The following ZNF714 variants were observed in gnomAD, a reference collection of about 807,000 sequenced individuals.
ZNF714 encodes the protein zinc finger protein 714.
A neutral mutation model predicts 46.2 loss-of-function variants in ZNF714; 32 were observed. The observed-to-expected ratio is 0.69, with a 90% CI of 0.52 to 0.93. The LOEUF (loss-of-function observed/expected upper bound fraction) is 0.93, where lower values mean the gene tolerates loss of function less well. Ranked by LOEUF, ZNF714 falls within the 40% of genes least tolerant of loss-of-function variation. The pLI, the probability that ZNF714 is intolerant of heterozygous loss-of-function variation, is 0.00. For missense variants in ZNF714, 635 were observed against 646.3 expected (o/e 0.98, Z 0.19); for synonymous variants, 199 against 213.1 (o/e 0.93, Z 0.58).
At chr19:21,114,882 G>C (rs1349857910) in intron 4 of ZNF714, among the ~76,000 whole-genome samples, 1 of 152,000 alleles carries the variant, frequency 6.6e-6, no homozygotes, top group African/African-American at 2.4e-5. Flanking sequence ...TCTCTGAAAA[G>C]AATTTTATTT....
intron 1 of ZNF714, among the ~76,000 whole-genome samples, chr19:21,083,016 ATT>A: frequency 6.7e-6 from 1 of 150,282 alleles, no homozygotes; most frequent in East Asian, 2.0e-4. Flanking sequence ...CAATGTAGTA[ATT>A]TACTAAAAAT....
At chr19:21,115,930 GT>G (rs971729803) in intron 4 of ZNF714, among the ~76,000 whole-genome samples, 1 of 150,676 alleles carries the variant, frequency 6.6e-6, no homozygotes, top group African/African-American at 2.4e-5. Flanking sequence ...TACTCATTGA[GT>G]ATTCAATTTA....
chr19:21,084,093 G>C, intron 2 of ZNF714, 24 bp downstream of exon 2: 1 of 977,300 alleles, frequency 1.0e-6, no homozygotes, highest in Non-Finnish European at 1.3e-6. Context: ...GGTACTGAGG[G>C]GAAAACACAG....
intron 4 of ZNF714, among the ~76,000 whole-genome samples, chr19:21,107,344 A>G (rs1338607875): frequency 6.6e-6 from 1 of 152,056 alleles, no homozygotes; most frequent in African/African-American, 2.4e-5. Flanking sequence ...GGTTCAAGCA[A>G]TTCTCCTGCC....
intron 2 of ZNF714, among the ~76,000 whole-genome samples, chr19:21,093,281 G>A (rs1232837222): frequency 1.3e-5 from 2 of 151,662 alleles, no homozygotes; most frequent in South Asian, 4.1e-4. Context: ...TGCCCAGGCT[G>A]GAGTGTGATG....
chr19:21,088,032 AG>A (rs1968822872), intron 2 of ZNF714, among the ~76,000 whole-genome samples: 1 of 152,186 alleles, frequency 6.6e-6, no homozygotes. Context: ...AGTTTATATA[AG>A]GTCTGACTCC....
At chr19:21,101,126 T>C (rs969369567) in intron 4 of ZNF714, among the ~76,000 whole-genome samples, 11 of 152,214 alleles carry the variant, frequency 7.2e-5, no homozygotes, top group Non-Finnish European at 1.3e-4. Flanking sequence ...AAAAATGTTT[T>C]TGACTAATCC....
At chr19:21,109,269 T>C (rs1287379445) in intron 4 of ZNF714, among the ~76,000 whole-genome samples, 1 of 152,160 alleles carries the variant, frequency 6.6e-6, no homozygotes, top group African/African-American at 2.4e-5. Flanking sequence ...ACCAGGCTGG[T>C]TTGCAGTGGC....
In ZNF714 at chr19:21,123,519, T is replaced by C. The variant is rs1312349524; in HGVS notation, c.*5187T>C. Among the ~76,000 whole-genome samples, 1 of 152,004 alleles carries C rather than the reference T, an allele frequency of 6.6e-6. No homozygotes were observed. The highest frequency in any genetic ancestry group is 1.5e-5 in the Non-Finnish European group (1 of 68,000). ...ACAGGCGCCCGCTACCGCACCCGTC[T>C]AATTTTTTTGTATTTTTAGTAGAGA... On this transcript the variant is annotated 3_prime_UTR_variant, in exon 5 of 5. Coordinates refer to ENST00000456283, the MANE Select transcript of ZNF714 (RefSeq NM_182515.4).
At position 21,123,686 on chromosome 19, in the gene ZNF714, C is replaced by T. The variant is rs1969746727; in HGVS notation, c.*5354C>T. ...TTAATTTTCTATGATATAATTACAG[C>T]ACAATTTACATTTCCGTGCAGAATC... On this transcript the variant is annotated 3_prime_UTR_variant, in exon 5 of 5. Coordinates refer to ENST00000456283, the MANE Select transcript of ZNF714 (RefSeq NM_182515.4). 1 of 152,170 alleles carries T rather than the reference C, an allele frequency of 6.6e-6. No individual in the cohort carries two copies. Among genetic ancestry groups the T allele is most frequent in the Non-Finnish European group, 1.5e-5 (1 of 68,046 alleles). 9.4% of individuals were successfully genotyped at this position (152,170 alleles called of 1,614,324 possible).
rs527413720 is a variant in ZNF714, at chr19:21,124,674, T to C, written c.*6342T>C. Reference sequence around the variant, plus strand: ...ACATTATTATGAACTATAGTCACCATGTTGTACAATAAATCTCTTGAACTT... The same window carrying C: ...ACATTATTATGAACTATAGTCACCACGTTGTACAATAAATCTCTTGAACTT... On this transcript the variant is annotated 3_prime_UTR_variant, in exon 5 of 5. Coordinates refer to ENST00000456283, the MANE Select transcript of ZNF714 (RefSeq NM_182515.4). 2.6e-5 allele frequency among the ~76,000 whole-genome samples: 4 copies of C among 152,278 alleles called. No individual in the cohort carries two copies. The highest frequency in any genetic ancestry group is 2.9e-5 in the Non-Finnish European group (2 of 68,022).
intron 4 of ZNF714, among the ~76,000 whole-genome samples, chr19:21,106,611 G>A (rs1242579600): frequency 6.6e-6 from 1 of 151,656 alleles, no homozygotes; most frequent in Non-Finnish European, 1.5e-5. Context: ...ATGGTTCAAG[G>A]AAATGATTCA....
chr19:21,104,212 GATA>G (rs1299830145), intron 4 of ZNF714, among the ~76,000 whole-genome samples: 3 of 142,838 alleles, frequency 2.1e-5, no homozygotes, highest in Admixed American at 1.5e-4. Flanking sequence ...ATTTAATTAT[GATA>G]ATATTTGATA....
At chr19:21,112,854 G>A (rs1373265463) in intron 4 of ZNF714, among the ~76,000 whole-genome samples, 6 of 27,006 alleles carry the variant, frequency 2.2e-4, no homozygotes, top group East Asian at 3.8e-3. Context: ...ACGGAGTCTC[G>A]CTCTGTCGCC....
At chr19:21,102,507 A>G (rs150991818) in intron 4 of ZNF714, among the ~76,000 whole-genome samples, 1 of 152,238 alleles carries the variant, frequency 6.6e-6, no homozygotes, top group Non-Finnish European at 1.5e-5. Flanking sequence ...TAGCAATGTA[A>G]TGCTGTTCTT....
intron 2 of ZNF714, among the ~76,000 whole-genome samples, chr19:21,089,981 G>T (rs1292760851): frequency 3.9e-5 from 6 of 152,214 alleles, no homozygotes; most frequent in Non-Finnish European, 7.3e-5. Flanking sequence ...CACAGCCCTG[G>T]GGGCCAAGCC....
chr19:21,112,816 ATTTTTTTTT>A (rs74172391), intron 4 of ZNF714, among the ~76,000 whole-genome samples: 1 of 43,210 alleles, frequency 2.3e-5, no homozygotes, highest in Non-Finnish European at 4.2e-5. Context: ...TTTATTTCTG[ATTTTTTTTT>A]TTTTTTTTTT....
chr19:21,099,186 T>G lies in ZNF714; in HGVS notation c.142+276T>G, dbSNP rs1240788180. Among the ~76,000 whole-genome samples, 4 of 152,252 alleles carry G rather than the reference T, an allele frequency of 2.6e-5. 1 individual carries two copies. In the East Asian group the frequency reaches 7.7e-4, roughly 29 times the overall value. On this transcript the variant is annotated intron_variant, in intron 4 of 4. Coordinates refer to ENST00000456283, the MANE Select transcript of ZNF714 (RefSeq NM_182515.4). ...ACTGTTTTTTTTTGTTTTGTTTTGT[T>G]TTGTTTTTTGAGACAGAGTTTCGCT...
intron 2 of ZNF714, chr19:21,091,827 T>A (rs1968916095): frequency 6.6e-6 from 1 of 152,094 alleles, no homozygotes. Flanking sequence ...TTTGTAGGAG[T>A]CCCCAGTTTT....
Sources: allele counts gnomAD v4.1 joint callset (sites outside exome capture counted in the v4.1 genomes callset), GRCh38; gene constraint gnomAD v4.1.1; transcripts MANE v1.5; gene names NCBI Gene and HGNC (gene_info 2026-07-23, HGNC 2026-07-21).